The following SAMD4B variants were observed in gnomAD, a reference collection of about 807,000 sequenced individuals.
The protein encoded by SAMD4B is sterile alpha motif domain containing 4B, also known as protein Smaug homolog 2.
A neutral mutation model predicts 74.5 loss-of-function variants in SAMD4B; 5 were observed. The ratio of observed to expected loss-of-function variants is 0.07; its 90% CI spans 0.04 to 0.14. The LOEUF (loss-of-function observed/expected upper bound fraction) is 0.14, where lower values mean the gene tolerates loss of function less well. Among genes scored for constraint, SAMD4B ranks in the 10% least tolerant of loss-of-function variants. SAMD4B has a pLI of 1.00. For synonymous variants in SAMD4B, 373 were observed against 374.9 expected, an observed-to-expected ratio of 1.00 and a Z score of 0.06; for missense variants, 608 against 921.8, an observed-to-expected ratio of 0.66 and a Z score of 4.41.
chr19:39,383,842 TC>T lies in SAMD4B; in HGVS notation c.*317del. 1 of 870,808 alleles carries T rather than the reference TC, an allele frequency of 1.1e-6. No individual in the cohort carries two copies. Among genetic ancestry groups the T allele is most frequent in the Non-Finnish European group, 1.8e-6 (1 of 570,218 alleles). The allele number at this position is 870,808 out of a possible 1,614,324, so 53.9% of individuals were successfully genotyped here. ...CTGGTCCCATCCCACCCCTGCCTCC[TC>T]CAGACCGCTGACCACCTGCCTCTCC... On this transcript the variant is annotated 3_prime_UTR_variant, in exon 14 of 14. Coordinates refer to ENST00000610417, the MANE Select transcript of SAMD4B (RefSeq NM_001384574.2). This position sits in a 1 kb window ranked among gnomAD's most constrained non-coding sequence, Gnocchi z 4.1.
intron 12 of SAMD4B, 151 bp downstream of exon 12, chr19:39,381,264 T>G: frequency 2.2e-6 from 2 of 918,008 alleles, no homozygotes; most frequent in Non-Finnish European, 3.1e-6. Context: ...CCCCCAATTG[T>G]GGGGGGTTGT....
At chr19:39,386,365 C>T (rs1352765956), downstream of SAMD4B, 1 of 1,614,038 alleles carries the variant, frequency 6.2e-7, no homozygotes, top group Non-Finnish European at 8.5e-7. This position sits in a 1 kb window ranked among gnomAD's most constrained non-coding sequence, Gnocchi z 6.1. Flanking sequence ...TCTTCACTGC[C>T]CTCCTTCTCA....
intron 3 of SAMD4B, among the ~76,000 whole-genome samples, chr19:39,367,000 A>G (rs931203427): frequency 6.6e-6 from 1 of 152,210 alleles, no homozygotes; most frequent in African/African-American, 2.4e-5. Flanking sequence ...TAGTAAAAGC[A>G]GCTAGTGTTT....
chr19:39,363,312 A>G (rs2076760794), intron 3 of SAMD4B, among the ~76,000 whole-genome samples: 1 of 152,138 alleles, frequency 6.6e-6, no homozygotes, highest in Non-Finnish European at 1.5e-5. Flanking sequence ...GTGTCTTGGC[A>G]TTCCCCAGCC....
At chr19:39,382,247 G>A (rs2078038584) in intron 12 of SAMD4B, among the ~76,000 whole-genome samples, 1 of 152,162 alleles carries the variant, frequency 6.6e-6, no homozygotes, top group Non-Finnish European at 1.5e-5. Flanking sequence ...ATCTGTAAAT[G>A]ATGTTAAACA....
chr19:39,360,251 G>C (rs2145484642), intron 3 of SAMD4B: 1 of 152,258 alleles, frequency 6.6e-6, no homozygotes, highest in Admixed American at 6.5e-5. Context: ...TGAAAGACAT[G>C]CTGCATTTTA....
chr19:39,367,571 C>G (rs1386312215), intron 3 of SAMD4B, among the ~76,000 whole-genome samples: 2 of 143,710 alleles, frequency 1.4e-5, no homozygotes, highest in East Asian at 4.1e-4. Flanking sequence ...TGCAGTGGCG[C>G]GATCTCGGCT....
chr19:39,349,303 A>G (rs938674301), intron 1 of SAMD4B, among the ~76,000 whole-genome samples: 8 of 152,222 alleles, frequency 5.3e-5, no homozygotes, highest in African/African-American at 1.7e-4. Context: ...AGAGAAAACA[A>G]GTGTAAAGAA....
chr19:39,366,710 G>A (rs1210962355), intron 3 of SAMD4B, among the ~76,000 whole-genome samples: 1 of 152,176 alleles, frequency 6.6e-6, no homozygotes, highest in Non-Finnish European at 1.5e-5. Flanking sequence ...TTGTATGCAA[G>A]GCCAGGTGTC....
chr19:39,377,435 C>A, intron 7 of SAMD4B, 50 bp from the exon 8 acceptor site: 1 of 1,439,662 alleles, frequency 6.9e-7, no homozygotes, highest in South Asian at 1.3e-5. Context: ...TACTCTCTGT[C>A]CCTCATTGTA....
chr19:39,374,232 C>A (rs2077471300), intron 4 of SAMD4B, among the ~76,000 whole-genome samples: 1 of 152,044 alleles, frequency 6.6e-6, no homozygotes, highest in South Asian at 2.1e-4. Context: ...GATTGCACCA[C>A]CGCACTCGGC....
intron 2 of SAMD4B, among the ~76,000 whole-genome samples, chr19:39,354,594 G>T (rs1252604646): frequency 3.0e-5 from 1 of 33,858 alleles, no homozygotes; most frequent in East Asian, 3.7e-4. Flanking sequence ...GTTTTGGTCA[G>T]TAGAGAGAAA....
In SAMD4B at chr19:39,378,362, A is replaced by G. The variant is rs17708656; in HGVS notation, c.1445-142A>G. 28,384 of 671,230 alleles carry G rather than the reference A, an allele frequency of 0.042. 682 individuals carry two copies. The highest frequency in any genetic ancestry group is 0.05 in the African/African-American group (2,760 of 55,526). The allele number at this position is 671,230 out of a possible 1,614,324, so 41.6% of individuals were successfully genotyped here. A position where few individuals can be genotyped will look rare whatever the true frequency, so the allele number is the denominator to read the frequency against. ...TGTTGTATATCCTCATGATAACCCA[A>G]ATACCATGGCTAGCACTTAATAGTT... is the stretch of plus-strand genomic sequence containing the variant. On this transcript the variant is annotated intron_variant, in intron 8 of 13. Coordinates refer to ENST00000610417, the MANE Select transcript of SAMD4B (RefSeq NM_001384574.2). This position sits in a 1 kb window ranked among gnomAD's most constrained non-coding sequence, Gnocchi z 4.4.
At chr19:39,386,345 C>G (rs200117509), downstream of SAMD4B, 1 of 1,614,162 alleles carries the variant, frequency 6.2e-7, no homozygotes, top group South Asian at 1.1e-5. This position sits in a 1 kb window ranked among gnomAD's most constrained non-coding sequence, Gnocchi z 6.1. Flanking sequence ...TCTCGCTGCC[C>G]GAGTGCTCAT....
chr19:39,377,448 G>A (rs1347404159), intron 7 of SAMD4B, 37 bp from the exon 8 acceptor site: 1 of 1,486,060 alleles, frequency 6.7e-7, no homozygotes, highest in African/African-American at 1.4e-5. Context: ...TCATTGTAGG[G>A]TCTGCATGTG....
intron 1 of SAMD4B, chr19:39,352,368 A>G (rs1303415471): frequency 1.3e-5 from 2 of 151,842 alleles, no homozygotes; most frequent in African/African-American, 2.4e-5. Flanking sequence ...TGTTCCAAGG[A>G]CCACAGGTAT....
intron 4 of SAMD4B, among the ~76,000 whole-genome samples, chr19:39,374,225 T>A (rs1477336609): frequency 6.6e-6 from 1 of 150,946 alleles, no homozygotes; most frequent in African/African-American, 2.4e-5. Flanking sequence ...GAGCCAAGAT[T>A]GCACCACCGC....
At chr19:39,387,818 C>T (rs767576977), downstream of SAMD4B, among the ~76,000 whole-genome samples, 8 of 152,342 alleles carry the variant, frequency 5.3e-5, no homozygotes, top group East Asian at 1.9e-4. Context: ...CTCTGCCTTG[C>T]GCAAAGGCTC....
chr19:39,373,864 T>C (rs2077443831), intron 4 of SAMD4B, among the ~76,000 whole-genome samples: 2 of 152,250 alleles, frequency 1.3e-5, no homozygotes, highest in South Asian at 4.1e-4. Flanking sequence ...CTCAGGAGGC[T>C]GAGGCAGGAG....
Sources: gnomAD v4.1 joint callset for allele counts (sites outside exome capture counted in the v4.1 genomes callset) on GRCh38, gnomAD v4.1.1 for gene constraint, Gnocchi (gnomAD v3.1) non-coding constraint, MANE v1.5 for transcripts, NCBI Gene and HGNC (gene_info 2026-07-23, HGNC 2026-07-21) for gene names.